The following ZNF592 variants were observed in gnomAD, a reference collection of about 807,000 sequenced individuals.
ZNF592 encodes spinocerebellar ataxia, autosomal recessive 5.
A neutral mutation model predicts 80.3 loss-of-function variants in ZNF592; 11 were observed. The ratio of observed to expected loss-of-function variants is 0.14; its 90% CI spans 0.09 to 0.23. The LOEUF (loss-of-function observed/expected upper bound fraction) is 0.23, where lower values mean the gene tolerates loss of function less well. ZNF592 is among the 10% of genes least tolerant of loss of function. The pLI, the probability that ZNF592 is intolerant of heterozygous loss-of-function variation, is 1.00. For missense variants in ZNF592, 1,420 were observed against 1,633.9 expected, an observed-to-expected ratio of 0.87 and a Z score of 2.26; for synonymous variants, 646 against 640.3, an observed-to-expected ratio of 1.01 and a Z score of -0.13.
intron 1 of ZNF592, among the ~76,000 whole-genome samples, chr15:84,749,185 C>T (rs997170427): frequency 3.3e-5 from 5 of 152,252 alleles, no homozygotes; most frequent in Non-Finnish European, 4.4e-5. Context: ...AGGAAGGTTT[C>T]TCCCGGAGCA....
intron 4 of ZNF592, among the ~76,000 whole-genome samples, chr15:84,790,282 G>A (rs1262315152): frequency 2.0e-5 from 3 of 152,128 alleles, no homozygotes; most frequent in Non-Finnish European, 4.4e-5. Context: ...GTCTCTACCA[G>A]GCCAATGTTG....
chr15:84,768,527 C>T (rs943251478), intron 2 of ZNF592, among the ~76,000 whole-genome samples: 19 of 151,930 alleles, frequency 1.3e-4, no homozygotes, highest in African/African-American at 2.9e-4. Flanking sequence ...CATGAGCCAC[C>T]GTGCCCAGCC....
chr15:84,764,979 A>C (rs1293661877), intron 2 of ZNF592, among the ~76,000 whole-genome samples, 164 bp downstream of exon 2: 1 of 152,098 alleles, frequency 6.6e-6, no homozygotes, highest in African/African-American at 2.4e-5. Context: ...AGTGGCATTA[A>C]ATACATTCAC....
rs141938683 is a variant in ZNF592 at position 84,797,164 on chromosome 15, C to T, written c.2400-705C>T. The stretch of plus-strand genomic sequence containing the variant: ...TAGTAGAAACAGGGTTTTGCTATGT[C>T]GGCCATGTCTCATCTTGAATTCCTG... On this transcript the variant is annotated intron_variant, in intron 5 of 10. Transcript: ENST00000560079. 5.3e-3 allele frequency among the ~76,000 whole-genome samples: 801 copies of T among 152,214 alleles called. 9 individuals carry two copies. The highest frequency in any genetic ancestry group is 0.018 in the African/African-American group (758 of 41,536).
At chr15:84,777,892 G>A (rs1962309469) in intron 2 of ZNF592, among the ~76,000 whole-genome samples, 1 of 151,948 alleles carries the variant, frequency 6.6e-6, no homozygotes, top group Non-Finnish European at 1.5e-5. Context: ...AGTAGAGACG[G>A]GGTTTCACCG....
rs1341431564 is a variant in ZNF592, at chr15:84,784,038, G to A, written c.1363G>A (p.Ala455Thr). 2 of 1,612,630 alleles carry A rather than the reference G, an allele frequency of 1.2e-6. No individual in the cohort carries two copies. The highest frequency in any genetic ancestry group is 3.3e-5 in the Admixed American group (2 of 59,982). Residue 455 changes from alanine (A) to threonine (T), a missense_variant, in exon 4 of 11, where the codon GCC becomes ACC. Physicochemically the swap from Ala to Thr is moderately conservative, Grantham distance 58. Around this residue, in one of 7 missense-constraint regions of ZNF592, gnomAD observed 524 missense variants for 628.3 expected, o/e 0.83. Transcript: ENST00000560079. The surrounding 1 kb of genome is among the most constrained non-coding windows in gnomAD (Gnocchi z 5.8). ...ARKGDESMTK[A>T]SDSSSPSCSS... ...GAAAGGGGACGAGAGCATGACAAAG[G>A]CCAGTGACTCGTCATCTCCCAGCTG...
rs1360158073 is a variant in ZNF592, at chr15:84,798,688, C to T, written c.2837C>T (p.Pro946Leu). The change falls in exon 8 of 11, where the codon CCA becomes CTA. Residue 946 changes from proline to leucine, a missense_variant. Physicochemically the swap from Pro to Leu is moderately conservative, Grantham distance 98. Around this residue, in one of 7 missense-constraint regions of ZNF592, gnomAD observed 331 missense variants for 347.0 expected, o/e 0.95. Coordinates refer to ENST00000560079, the MANE Select transcript of ZNF592 (RefSeq NM_014630.3). This position sits in a 1 kb window ranked among gnomAD's most constrained non-coding sequence, Gnocchi z 4.5. Reference protein sequence around the residue: ...SRPGSRVPTEPPATSVAARSS... With the variant: ...SRPGSRVPTELPATSVAARSS... ...CCTGGCTCTCGAGTTCCCACTGAGCCACCAGCCACTAGTGTGGCTGCTCGG... is the reference window on the plus strand; with the variant it reads ...CCTGGCTCTCGAGTTCCCACTGAGCTACCAGCCACTAGTGTGGCTGCTCGG... The T allele has an allele frequency of 1.2e-6, 2 of 1,613,738 alleles. No individual in the cohort carries two copies.
intron 1 of ZNF592, among the ~76,000 whole-genome samples, chr15:84,760,779 T>G (rs939042732): frequency 6.6e-6 from 1 of 152,114 alleles, no homozygotes; most frequent in Admixed American, 6.5e-5. Flanking sequence ...CATGGTCCAG[T>G]CTGTTCCAGT....
intron 5 of ZNF592, among the ~76,000 whole-genome samples, chr15:84,795,490 A>G (rs552825136): frequency 1.3e-5 from 2 of 152,382 alleles, no homozygotes; most frequent in East Asian, 3.9e-4. Context: ...TACCAGATAC[A>G]TAGAAGGAGT....
intron 1 of ZNF592, among the ~76,000 whole-genome samples, chr15:84,763,041 G>A (rs1160876036): frequency 6.6e-5 from 10 of 152,160 alleles, no homozygotes; most frequent in Non-Finnish European, 1.0e-4. Context: ...AGGAAAATTT[G>A]TGCCCTATTC....
rs1257699300 is a variant in ZNF592, at chr15:84,802,583, C to G, written c.*190C>G. The G allele has an allele frequency of 3.1e-6, 2 of 652,764 alleles. No homozygotes were observed. Among genetic ancestry groups the G allele is most frequent in the Admixed American group, 2.8e-5 (1 of 36,176 alleles). 40.4% of individuals were successfully genotyped at this position (652,764 alleles called of 1,614,324 possible). On this transcript the variant is annotated 3_prime_UTR_variant, in exon 11 of 11. Transcript: ENST00000560079. ...CAGGAAATGTGGGGTCGGCCAGGAC[C>G]CTCACAGCTCTGAATTTGCTTCTGT... is the stretch of plus-strand genomic sequence containing the variant.
chr15:84,760,092 TA>T (rs2141963417), intron 1 of ZNF592, among the ~76,000 whole-genome samples: 1 of 151,992 alleles, frequency 6.6e-6, no homozygotes, highest in East Asian at 1.9e-4. Context: ...GTGATCCTTT[TA>T]AAATGTCAGT....
chr15:84,798,957 G>A lies in ZNF592; in HGVS notation c.3024+82G>A, dbSNP rs1963013149. On this transcript the variant is annotated intron_variant, in intron 8 of 10. Coordinates refer to ENST00000560079, the MANE Select transcript of ZNF592 (RefSeq NM_014630.3). The surrounding 1 kb of genome is among the most constrained non-coding windows in gnomAD (Gnocchi z 4.5). ...GAAGCCAGAACCCCTAGGGTTCCTGGTGCTTAGGGCAGGGTGGGTACCACA... is the reference window on the plus strand; with the variant it reads ...GAAGCCAGAACCCCTAGGGTTCCTGATGCTTAGGGCAGGGTGGGTACCACA... 1.3e-6 allele frequency: 2 copies of A among 1,594,982 alleles called. No individual in the cohort carries two copies. The highest frequency in any genetic ancestry group is 2.2e-5 in the East Asian group (1 of 44,808).
Position 84,804,565 on chromosome 15 carries a change from C to G in ZNF592, c.*2172C>G, listed in dbSNP as rs190378533. 9 of 152,252 alleles carry G rather than the reference C, an allele frequency of 5.9e-5. No homozygotes were observed. The highest frequency in any genetic ancestry group is 2.2e-4 in the African/African-American group (9 of 41,470). The allele number at this position is 152,252 out of a possible 1,614,324, so 9.4% of individuals were successfully genotyped here. On this transcript the variant is annotated 3_prime_UTR_variant, in exon 11 of 11. Coordinates refer to ENST00000560079, the MANE Select transcript of ZNF592 (RefSeq NM_014630.3). ...AACAAATCCCTTAACCTCACTGTCT[C>G]CTCTCCTTCACAATAGAGTTAGTAA...
At position 84,803,224 on chromosome 15, in the gene ZNF592, A is replaced by C. The variant is rs1278184292; in HGVS notation, c.*831A>C. The C allele has an allele frequency of 1.3e-5, 2 of 152,622 alleles. No homozygotes were observed. The highest frequency in any genetic ancestry group is 6.5e-5 in the Admixed American group (1 of 15,278). 9.5% of individuals were successfully genotyped at this position (152,622 alleles called of 1,614,324 possible). A position where few individuals can be genotyped will look rare whatever the true frequency, so the allele number is the denominator to read the frequency against. On this transcript the variant is annotated 3_prime_UTR_variant, in exon 11 of 11. Transcript: ENST00000560079. The stretch of plus-strand genomic sequence containing the variant: ...CATTTGAGAGGCTGCTGCCCCAGGC[A>C]GGCCAGCCCCTACTCCTCTTGGCTA...
chr15:84,782,620 T>C, intron 3 of ZNF592, 37 bp from the exon 4 acceptor site: 2 of 1,600,392 alleles, frequency 1.2e-6, no homozygotes, highest in Non-Finnish European at 1.7e-6. Flanking sequence ...AGTGGGACCC[T>C]GGTGGTCACT....
At chr15:84,750,023 C>T (rs1000719789) in intron 1 of ZNF592, among the ~76,000 whole-genome samples, 2 of 152,194 alleles carry the variant, frequency 1.3e-5, no homozygotes, top group Non-Finnish European at 2.9e-5. Context: ...TAGTCGTGGC[C>T]GGGCGCGGTG....
chr15:84,752,646 A>G (rs1899046030), intron 1 of ZNF592, among the ~76,000 whole-genome samples: 1 of 152,202 alleles, frequency 6.6e-6, no homozygotes, highest in East Asian at 1.9e-4. Context: ...TCTGTAAGCC[A>G]TGGGGAGCTA....
Position 84,798,423 on chromosome 15 carries a change from T to G in ZNF592, c.2685T>G (p.Pro895=). The G allele has an allele frequency of 6.2e-7, 1 of 1,614,158 alleles. No homozygotes were observed. The highest frequency in any genetic ancestry group is 1.6e-4 in the Middle Eastern group (1 of 6,062). Residue 895 remains proline (P), a synonymous_variant, in exon 7 of 11, where the codon CCT becomes CCG. Transcript: ENST00000560079. This position sits in a 1 kb window ranked among gnomAD's most constrained non-coding sequence, Gnocchi z 4.5. ...SKTQVGVFKC[P]ECPLLFVQKP... ...CGCAGGTGGGCGTCTTCAAGTGCCC[T>G]GAGTGCCCACTCTTGTTCGTGCAGA... is the stretch of plus-strand genomic sequence containing the variant.
Sources: allele counts gnomAD v4.1 joint callset (sites outside exome capture counted in the v4.1 genomes callset), GRCh38; gene constraint gnomAD v4.1.1; regional missense constraint gnomAD v4.1.1; non-coding constraint Gnocchi (gnomAD v3.1); transcripts MANE v1.5; gene names NCBI Gene and HGNC (gene_info 2026-07-23, HGNC 2026-07-21).